The following PRR16 variants were observed in gnomAD, a reference collection of about 807,000 sequenced individuals.
PRR16 encodes the protein protein Largen.
In PRR16, 6 loss-of-function variants were observed where a neutral mutation model predicts 18.2. That is an observed-to-expected ratio of 0.33 (90% CI 0.18 to 0.65). The LOEUF is 0.65. PRR16 is among the 30% of genes least tolerant of loss of function. PRR16 has a pLI of 0.74. For missense variants in PRR16, 412 were observed against 376.6 expected, an observed-to-expected ratio of 1.09 and a Z score of -0.78; for synonymous variants, 151 against 147.8, an observed-to-expected ratio of 1.02 and a Z score of -0.16.
At chr5:120,720,207 C>T in the PRR16 span, among the ~76,000 whole-genome samples, 52,170 of 151,844 alleles carry the variant, frequency 0.34, 10,863 homozygotes, top group Middle Eastern at 0.52. Flanking sequence ...ATGTGGCACA[C>T]CAAACTCAGG....
At chr5:120,544,731 G>A (rs140183738) in intron 1 of PRR16, among the ~76,000 whole-genome samples, 2 of 151,856 alleles carry the variant, frequency 1.3e-5, no homozygotes, top group Admixed American at 6.6e-5. Context: ...GTAGAGATAG[G>A]GTCTCACTAT....
At chr5:120,792,851 C>G in the PRR16 span, among the ~76,000 whole-genome samples, 1 of 152,010 alleles carries the variant, frequency 6.6e-6, no homozygotes, top group Admixed American at 6.6e-5. Flanking sequence ...ATGCTAAATT[C>G]TATAAAGAAA....
At chr5:120,774,296 C>T in the PRR16 span, among the ~76,000 whole-genome samples, 1 of 152,066 alleles carries the variant, frequency 6.6e-6, no homozygotes, top group Admixed American at 6.6e-5. Flanking sequence ...TTGTGTTGTT[C>T]CCCCAAAACA....
At chr5:120,484,157 A>G (rs1021013943) in intron 1 of PRR16, among the ~76,000 whole-genome samples, 20 of 151,926 alleles carry the variant, frequency 1.3e-4, no homozygotes, top group African/African-American at 4.8e-4. Flanking sequence ...CTATTTCTTA[A>G]CTACTCAAGT....
chr5:120,473,748 A>G (rs990043544), intron 1 of PRR16, among the ~76,000 whole-genome samples: 10 of 152,206 alleles, frequency 6.6e-5, no homozygotes, highest in African/African-American at 2.4e-4. Flanking sequence ...TGGAGTTTAC[A>G]TAGTGGATGG....
chr5:120,674,944 T>TA (rs1383430543), intron 1 of PRR16, among the ~76,000 whole-genome samples: 4 of 152,140 alleles, frequency 2.6e-5, no homozygotes, highest in East Asian at 1.9e-4. Flanking sequence ...TTGCTTTTTT[T>TA]ACGTATGTGT....
chr5:120,664,258 C>T (rs1350522192), intron 1 of PRR16, among the ~76,000 whole-genome samples: 2 of 151,838 alleles, frequency 1.3e-5, no homozygotes, highest in African/African-American at 2.4e-5. Flanking sequence ...GAGATCGCAC[C>T]ATTGCACTCC....
At chr5:120,553,898 A>G (rs2112704411) in intron 1 of PRR16, among the ~76,000 whole-genome samples, 2 of 152,082 alleles carry the variant, frequency 1.3e-5, no homozygotes, top group Middle Eastern at 6.8e-3. Flanking sequence ...CAAGTCATAC[A>G]GTAGGAATTC....
chr5:120,760,281 A>G, the PRR16 span, among the ~76,000 whole-genome samples: 1 of 152,140 alleles, frequency 6.6e-6, no homozygotes, highest in African/African-American at 2.4e-5. Context: ...TCATGTTTAA[A>G]TTAATTTATA....
chr5:120,649,829 A>G lies in PRR16; in HGVS notation c.160-36125A>G, dbSNP rs573542090. ...AGTATCTTGCTTATTATATTTTTATAAGGCACCCCGTAATAAATTAAATTA... is the reference window on the plus strand; with the variant it reads ...AGTATCTTGCTTATTATATTTTTATGAGGCACCCCGTAATAAATTAAATTA... On this transcript the variant is annotated intron_variant, in intron 1 of 1. Coordinates refer to ENST00000407149, the MANE Select transcript of PRR16 (RefSeq NM_001300783.2). Among the ~76,000 whole-genome samples, 3 of 152,232 alleles carry G rather than the reference A, an allele frequency of 2.0e-5. No individual in the cohort carries two copies. In the South Asian group the frequency reaches 6.2e-4, roughly 32 times the overall value.
the PRR16 span, among the ~76,000 whole-genome samples, chr5:120,730,313 A>G: frequency 6.6e-6 from 1 of 152,178 alleles, no homozygotes; most frequent in African/African-American, 2.4e-5. Flanking sequence ...TGGAAAACAG[A>G]GACACACATG....
At chr5:120,793,561 C>T in the PRR16 span, among the ~76,000 whole-genome samples, 1 of 152,076 alleles carries the variant, frequency 6.6e-6, no homozygotes, top group Non-Finnish European at 1.5e-5. Flanking sequence ...GAGAGTAGTG[C>T]AGAGAAGACT....
At chr5:120,772,068 A>T in the PRR16 span, among the ~76,000 whole-genome samples, 1 of 151,996 alleles carries the variant, frequency 6.6e-6, no homozygotes, top group Non-Finnish European at 1.5e-5. Flanking sequence ...TAATTCAAAG[A>T]TTAAAGAATA....
chr5:120,534,454 A>C (rs970558130), intron 1 of PRR16, among the ~76,000 whole-genome samples: 7 of 152,206 alleles, frequency 4.6e-5, no homozygotes, highest in African/African-American at 1.7e-4. Flanking sequence ...TGTTAGACTT[A>C]AGTCTAACAA....
chr5:120,621,875 C>T (rs1754701079), intron 1 of PRR16, among the ~76,000 whole-genome samples: 1 of 152,150 alleles, frequency 6.6e-6, no homozygotes, highest in South Asian at 2.1e-4. Context: ...TTGGGCAGTT[C>T]TTTTAGAGCA....
chr5:120,573,864 A>G (rs1227247494), intron 1 of PRR16, among the ~76,000 whole-genome samples: 1 of 149,038 alleles, frequency 6.7e-6, no homozygotes, highest in Non-Finnish European at 1.5e-5. Context: ...AGGCGAATTT[A>G]TATGGTATGT....
intron 1 of PRR16, among the ~76,000 whole-genome samples, chr5:120,473,276 A>G (rs991604599): frequency 1.4e-4 from 22 of 152,154 alleles, no homozygotes; most frequent in Admixed American, 2.6e-4. Context: ...TCTTTATTGC[A>G]TAGCTCAATG....
intron 1 of PRR16, chr5:120,617,171 A>G (rs1754539655): frequency 1.5e-5 from 15 of 985,286 alleles, no homozygotes; most frequent in South Asian, 4.7e-5. Flanking sequence ...TGACAACAGG[A>G]CATCAGGAAA....
chr5:120,540,940 G>C (rs1751893501), intron 1 of PRR16, among the ~76,000 whole-genome samples: 1 of 152,124 alleles, frequency 6.6e-6, no homozygotes, highest in African/African-American at 2.4e-5. Context: ...CAGAATGTAA[G>C]CTCTGTTTAG....
Sources: gnomAD v4.1 joint callset for allele counts (sites outside exome capture counted in the v4.1 genomes callset) on GRCh38, gnomAD v4.1.1 for gene constraint, MANE v1.5 for transcripts, NCBI Gene and HGNC (gene_info 2026-07-23, HGNC 2026-07-21) for gene names.